FGF14: variants seen among roughly 807,000 people sequenced by gnomAD.
The protein encoded by FGF14 is fibroblast growth factor homologous factor 4.
Under a neutral mutation model 25.5 loss-of-function variants are expected in FGF14, and 5 were observed. The ratio of observed to expected loss-of-function variants is 0.20; its 90% CI spans 0.10 to 0.41. FGF14 has a LOEUF of 0.41. Ranked by LOEUF, FGF14 falls within the 10% of genes least tolerant of loss-of-function variation. FGF14 has a pLI of 1.00. For synonymous variants in FGF14, 138 were observed against 118.3 expected, an observed-to-expected ratio of 1.17 and a Z score of -1.08; for missense variants, 222 against 320.1, an observed-to-expected ratio of 0.69 and a Z score of 2.34.
At chr13:101,891,448 T>C (rs1279917069) in intron 1 of FGF14, among the ~76,000 whole-genome samples, 1 of 152,180 alleles carries the variant, frequency 6.6e-6, no homozygotes, top group Non-Finnish European at 1.5e-5. Context: ...CATCCTTCTC[T>C]TTCTGGTCCT....
intron 3 of FGF14, among the ~76,000 whole-genome samples, chr13:101,805,889 C>T (rs934574033): frequency 3.3e-5 from 5 of 151,816 alleles, no homozygotes; most frequent in African/African-American, 9.7e-5. Flanking sequence ...TTTCCTGAAA[C>T]AAGGCAAATT....
intron 1 of FGF14, among the ~76,000 whole-genome samples, chr13:102,326,709 A>C (rs2056452043): frequency 1.4e-5 from 1 of 70,478 alleles, no homozygotes; most frequent in South Asian, 6.5e-4. Flanking sequence ...GAAGGAAGGA[A>C]GGAAGGAAGG....
intron 3 of FGF14, among the ~76,000 whole-genome samples, chr13:101,846,489 A>AT (rs2043467999): frequency 1.3e-5 from 2 of 151,996 alleles, no homozygotes; most frequent in African/African-American, 4.8e-5. Context: ...ATTTCACTGC[A>AT]TTTTTGCCGA....
intron 1 of FGF14, among the ~76,000 whole-genome samples, chr13:102,394,097 C>T (rs2058503268): frequency 6.6e-6 from 1 of 152,202 alleles, no homozygotes; most frequent in African/African-American, 2.4e-5. Flanking sequence ...ACTTCAGGAC[C>T]CGCCCAGGGT....
chr13:102,394,661 G>C (rs1056148470), intron 1 of FGF14: 5 of 152,296 alleles, frequency 3.3e-5, no homozygotes, highest in African/African-American at 1.2e-4. Context: ...GCCGAGGCTG[G>C]GAGCGCGGTG....
At chr13:102,015,037 A>G (rs2040266706) in intron 1 of FGF14, among the ~76,000 whole-genome samples, 2 of 152,142 alleles carry the variant, frequency 1.3e-5, no homozygotes, top group African/African-American at 4.8e-5. Flanking sequence ...CCTCCCATAT[A>G]GCTGGGATTA....
At chr13:102,387,638 A>G (rs1429074557) in intron 1 of FGF14, among the ~76,000 whole-genome samples, 1 of 151,980 alleles carries the variant, frequency 6.6e-6, no homozygotes, top group Non-Finnish European at 1.5e-5. Flanking sequence ...GTAGGTAAAT[A>G]GTGTATCACA....
chr13:101,990,893 T>TC (rs1668564122), intron 1 of FGF14, among the ~76,000 whole-genome samples: 1 of 152,152 alleles, frequency 6.6e-6, no homozygotes, highest in Non-Finnish European at 1.5e-5. Flanking sequence ...CACAAAGTTG[T>TC]CATGAGGGTT....
At chr13:101,797,387 T>C (rs1465958495) in intron 3 of FGF14, among the ~76,000 whole-genome samples, 2 of 152,106 alleles carry the variant, frequency 1.3e-5, no homozygotes, top group African/African-American at 4.8e-5. Flanking sequence ...TCACATGTAA[T>C]TGTGCGTCCT....
intron 1 of FGF14, among the ~76,000 whole-genome samples, chr13:101,915,629 T>G (rs939055243): frequency 4.7e-5 from 6 of 126,530 alleles, no homozygotes; most frequent in Non-Finnish European, 8.6e-5. Context: ...CAGTGAAAGG[T>G]CATCCTAGGT....
intron 1 of FGF14, among the ~76,000 whole-genome samples, chr13:101,882,120 A>G (rs2045742418): frequency 6.6e-6 from 1 of 151,948 alleles, no homozygotes; most frequent in Admixed American, 6.6e-5. Flanking sequence ...ACACAGATTT[A>G]ACATATTCAG....
chr13:101,923,750 A>G lies in FGF14; in HGVS notation c.209-48454T>C, dbSNP rs1265370715. On this transcript the variant is annotated intron_variant, in intron 1 of 4. Transcript: ENST00000376131. ...TATATTTATTTCTGGTAGGCAACAG[A>G]TTTCTATCTATTAAAAAACTGGAAG... 3.9e-5 allele frequency among the ~76,000 whole-genome samples: 6 copies of G among 152,072 alleles called. No homozygotes were observed. The East Asian group carries it at 1.2e-3, about 29-fold the overall frequency.
Position 102,045,028 on chromosome 13 carries a change from C to T in FGF14, c.209-169732G>A, listed in dbSNP as rs149985982. ...AAACATGTGTCTATAACCTCACTGA[C>T]GTTCCCCATCCATGTCTGTTAAGCT... On this transcript the variant is annotated intron_variant, in intron 1 of 4. Transcript: ENST00000376131. Among the ~76,000 whole-genome samples, 106 of 152,290 alleles carry T rather than the reference C, an allele frequency of 7.0e-4. No homozygotes were observed. In the Middle Eastern group the frequency reaches 0.014, roughly 20 times the overall value.
chr13:102,186,925 G>A (rs924264267), intron 1 of FGF14, among the ~76,000 whole-genome samples: 4 of 152,036 alleles, frequency 2.6e-5, no homozygotes, highest in African/African-American at 9.7e-5. Flanking sequence ...TACATACACA[G>A]CACACACAGG....
At chr13:101,899,676 A>T (rs964702809) in intron 1 of FGF14, among the ~76,000 whole-genome samples, 4 of 152,026 alleles carry the variant, frequency 2.6e-5, no homozygotes, top group Admixed American at 1.3e-4. Context: ...AGTAAACATG[A>T]AAGTGAAAAG....
intron 1 of FGF14, among the ~76,000 whole-genome samples, chr13:102,279,732 A>G (rs1035330201): frequency 6.6e-6 from 1 of 152,204 alleles, no homozygotes; most frequent in Non-Finnish European, 1.5e-5. Flanking sequence ...AAAAAATTGA[A>G]CCCTTCTTGG....
chr13:102,155,704 A>G (rs2047300887), intron 1 of FGF14, among the ~76,000 whole-genome samples: 1 of 150,336 alleles, frequency 6.7e-6, no homozygotes, highest in Non-Finnish European at 1.5e-5. Context: ...AACCCTTCAA[A>G]AAATCAATGA....
At chr13:102,363,350 T>C (rs1338262454) in intron 1 of FGF14, among the ~76,000 whole-genome samples, 1 of 152,186 alleles carries the variant, frequency 6.6e-6, no homozygotes, top group Non-Finnish European at 1.5e-5. Context: ...ATTAATTTCC[T>C]CATTTTGCAA....
chr13:102,053,524 TAAAC>T (rs2140066890), intron 1 of FGF14, among the ~76,000 whole-genome samples: 1 of 152,226 alleles, frequency 6.6e-6, no homozygotes, highest in African/African-American at 2.4e-5. Flanking sequence ...TGTCTTGAGA[TAAAC>T]AAAAATGTAA....
Sources: allele counts gnomAD v4.1 joint callset (sites outside exome capture counted in the v4.1 genomes callset), GRCh38; gene constraint gnomAD v4.1.1; transcripts MANE v1.5; gene names NCBI Gene and HGNC (gene_info 2026-07-23, HGNC 2026-07-21).